The following PRELID2 variants were observed in gnomAD, a reference collection of about 807,000 sequenced individuals.
PRELID2 encodes the protein PRELI domain containing 2, also known as PRELI domain-containing protein 2.
Under a neutral mutation model 28.4 loss-of-function variants are expected in PRELID2, and 25 were observed. The ratio of observed to expected loss-of-function variants is 0.88; its 90% confidence interval spans 0.64 to 1.23. The LOEUF (loss-of-function observed/expected upper bound fraction) is 1.23. PRELID2 is among the 50% of genes most tolerant of loss of function. PRELID2 has a pLI of 0.00. For missense variants in PRELID2, 201 were observed against 214.4 expected (o/e 0.94, Z 0.39); for synonymous variants, 76 against 71.6 (o/e 1.06, Z -0.31).
At chr5:145,581,022 T>C (rs1180211618) in intron 1 of PRELID2, among the ~76,000 whole-genome samples, 1 of 151,980 alleles carries the variant, frequency 6.6e-6, no homozygotes, top group African/African-American at 2.4e-5. Flanking sequence ...TATCTTGTCT[T>C]TCCCTTTCTC....
At chr5:145,405,463 C>T in the PRELID2 span, among the ~76,000 whole-genome samples, 45 of 152,224 alleles carry the variant, frequency 3.0e-4, no homozygotes, top group African/African-American at 1.0e-3. Flanking sequence ...GTTCAACTTT[C>T]TTAGAGTCCA....
At chr5:145,819,476 A>G (rs1754606773) in intron 3 of PRELID2, 1 of 1,042,514 alleles carries the variant, frequency 9.6e-7, no homozygotes. Context: ...ATTACTTTAG[A>G]GAAATACACA....
intron 1 of PRELID2, among the ~76,000 whole-genome samples, chr5:145,519,302 A>C (rs1348616332): frequency 1.3e-5 from 2 of 152,180 alleles, no homozygotes; most frequent in East Asian, 1.9e-4. Flanking sequence ...GCTGAAGGTA[A>C]CCTTTAGGAT....
chr5:145,641,413 G>A (rs774413281), intron 1 of PRELID2, among the ~76,000 whole-genome samples: 1 of 152,082 alleles, frequency 6.6e-6, no homozygotes, highest in African/African-American at 2.4e-5. Context: ...TCAGAAACAC[G>A]AAAGTTAAAA....
downstream of PRELID2, among the ~76,000 whole-genome samples, chr5:145,471,385 T>C (rs530934035): frequency 7.2e-5 from 11 of 152,260 alleles, no homozygotes; most frequent in Non-Finnish European, 1.2e-4. Flanking sequence ...CAGATATTTC[T>C]TATACCAAAA....
the PRELID2 span, among the ~76,000 whole-genome samples, chr5:145,385,069 T>C: frequency 3.9e-5 from 6 of 152,326 alleles, no homozygotes; most frequent in Admixed American, 6.5e-5. Context: ...TAGGAATGTG[T>C]TACATCTTGA....
At chr5:145,515,407 T>C (rs1379136051) in intron 1 of PRELID2, among the ~76,000 whole-genome samples, 1 of 151,980 alleles carries the variant, frequency 6.6e-6, no homozygotes, top group East Asian at 1.9e-4. Context: ...AGAAGATAAA[T>C]TCCTGGATGC....
chr5:145,391,270 A>T, the PRELID2 span, among the ~76,000 whole-genome samples: 1 of 152,224 alleles, frequency 6.6e-6, no homozygotes, highest in African/African-American at 2.4e-5. Flanking sequence ...TGAAATCTAA[A>T]TGGAGGTTCC....
chr5:145,290,770 G>T, the PRELID2 span, among the ~76,000 whole-genome samples: 17 of 151,028 alleles, frequency 1.1e-4, no homozygotes, highest in Admixed American at 1.1e-3. Context: ...AAATGAAAAG[G>T]TCTCGGTATA....
chr5:145,656,309 G>T (rs1754392890), intron 1 of PRELID2, among the ~76,000 whole-genome samples: 1 of 152,196 alleles, frequency 6.6e-6, no homozygotes, highest in South Asian at 2.1e-4. Context: ...TGGTCGGACT[G>T]TAAACTAGCT....
At chr5:145,576,564 G>A (rs960260407) in intron 1 of PRELID2, among the ~76,000 whole-genome samples, 1 of 151,788 alleles carries the variant, frequency 6.6e-6, no homozygotes, top group Non-Finnish European at 1.5e-5. Flanking sequence ...AACTCTCCAG[G>A]GATTGCCTCC....
intron 1 of PRELID2, among the ~76,000 whole-genome samples, chr5:145,559,931 T>C (rs1752912892): frequency 6.6e-6 from 1 of 152,080 alleles, no homozygotes; most frequent in Non-Finnish European, 1.5e-5. Flanking sequence ...GCTCCTCGAC[T>C]TATGGTGGGG....
the PRELID2 span, among the ~76,000 whole-genome samples, chr5:145,419,919 G>T: frequency 6.6e-6 from 1 of 151,830 alleles, no homozygotes; most frequent in Non-Finnish European, 1.5e-5. Context: ...AAGGTGTAAG[G>T]AAGGGATCCA....
chr5:145,645,921 C>T (rs774227036), intron 1 of PRELID2, among the ~76,000 whole-genome samples: 2 of 152,174 alleles, frequency 1.3e-5, no homozygotes, highest in Non-Finnish European at 2.9e-5. Context: ...TGACGGGCTT[C>T]CCTTTGTGGG....
the PRELID2 span, among the ~76,000 whole-genome samples, chr5:145,416,354 C>T: frequency 8.7e-4 from 132 of 151,752 alleles, no homozygotes; most frequent in Non-Finnish European, 1.4e-3. Context: ...GACATAGGCA[C>T]GGGCAAGGAC....
At chr5:145,425,236 T>C in the PRELID2 span, among the ~76,000 whole-genome samples, 2,009 of 152,272 alleles carry the variant, frequency 0.013, 39 homozygotes, top group African/African-American at 0.045. Context: ...AGAACGGCTA[T>C]TACTAAAAAG....
intron 1 of PRELID2, among the ~76,000 whole-genome samples, chr5:145,720,780 A>C (rs1206571428): frequency 2.6e-5 from 4 of 152,024 alleles, no homozygotes; most frequent in Non-Finnish European, 5.9e-5. Context: ...AAATAAAAAT[A>C]ATCTGAAAAA....
the PRELID2 span, chr5:145,451,120 C>G: frequency 6.6e-6 from 1 of 152,214 alleles, no homozygotes. Flanking sequence ...CCCCACTTCT[C>G]AAAATTTCTG....
At chr5:145,808,623 G>A (rs987311297) in intron 4 of PRELID2, among the ~76,000 whole-genome samples, 19 of 152,174 alleles carry the variant, frequency 1.2e-4, no homozygotes, top group Admixed American at 3.9e-4. Flanking sequence ...AGAGACTCAC[G>A]CCAGGAATCC....
Sources: allele counts gnomAD v4.1 joint callset (sites outside exome capture counted in the v4.1 genomes callset), GRCh38; gene constraint gnomAD v4.1.1; transcripts MANE v1.5; gene names NCBI Gene and HGNC (gene_info 2026-07-23, HGNC 2026-07-21).